The following PPIP5K1 variants were observed in gnomAD, a reference collection of about 807,000 sequenced individuals.
PPIP5K1 encodes inositol hexakisphosphate and diphosphoinositol-pentakisphosphate kinase 1.
PPIP5K1 carries 6 observed loss-of-function variants against 27.7 expected under a neutral mutation model. The ratio of observed to expected loss-of-function variants is 0.22; its 90% CI spans 0.12 to 0.43. PPIP5K1 has a LOEUF of 0.43. Among genes scored for constraint, PPIP5K1 ranks in the 20% least tolerant of loss-of-function variants. The probability of loss-of-function intolerance (pLI) is 1.00; values close to 1 mark genes in which losing one functional copy is unlikely to be tolerated. For missense variants in PPIP5K1, 394 were observed against 635.4 expected, an observed-to-expected ratio of 0.62 and a Z score of 4.08; for synonymous variants, 145 against 242.6, an observed-to-expected ratio of 0.60 and a Z score of 3.74.
In PPIP5K1 at chr15:43,542,340, A is replaced by G. The variant is rs148340277; in HGVS notation, c.3557-2757T>C. Among the ~76,000 whole-genome samples, 1,094 of 150,006 alleles carry G rather than the reference A, an allele frequency of 7.3e-3. 3 individuals carry two copies. The highest frequency in any genetic ancestry group is 0.011 in the Non-Finnish European group (729 of 67,866). On this transcript the variant is annotated intron_variant, in intron 30 of 31. Transcript: ENST00000420765. Reference sequence around the variant, plus strand: ...AGAGTCTTGCTCTGTCACCCATGCTAGAGTGCTGTGGTACGATCACAGCTC... The same window carrying G: ...AGAGTCTTGCTCTGTCACCCATGCTGGAGTGCTGTGGTACGATCACAGCTC...
At chr15:43,538,614 C>G (rs896180259) in intron 31 of PPIP5K1, among the ~76,000 whole-genome samples, 3 of 152,020 alleles carry the variant, frequency 2.0e-5, no homozygotes, top group African/African-American at 4.8e-5. Flanking sequence ...GCAAGCTCTG[C>G]CATTCTCCTG....
intron 30 of PPIP5K1, among the ~76,000 whole-genome samples, chr15:43,550,328 T>A (rs1270631893): frequency 6.6e-6 from 1 of 151,880 alleles, no homozygotes; most frequent in Non-Finnish European, 1.5e-5. Context: ...ATTTTTTTTG[T>A]AGAGAGAGTG....
At position 43,535,355 on chromosome 15, in the gene PPIP5K1, T is replaced by G; in HGVS notation, c.3792A>C (p.Glu1264Asp). 3 of 1,614,220 alleles carry G rather than the reference T, an allele frequency of 1.9e-6. 1 individual carries two copies. Among genetic ancestry groups the G allele is most frequent in the African/African-American group, 1.3e-5 (1 of 75,064 alleles). ...CCTGGAGCAGCCCAAGGCCTTGATGTTCTTCAGCCACGTGTGAATTTAGGG... is the reference window on the plus strand; with the variant it reads ...CCTGGAGCAGCCCAAGGCCTTGATGGTCTTCAGCCACGTGTGAATTTAGGG... Reference protein sequence around the residue: ...QPSLNSHVAEEHQGLGLLQET... With the variant: ...QPSLNSHVAEDHQGLGLLQET... Residue 1264 changes from glutamate (E) to aspartate (D), a missense_variant, in exon 32 of 32, where the codon GAA (glutamate) becomes GAC (aspartate). By Grantham distance (45) the Glu-to-Asp change is conservative. This residue lies in a region of PPIP5K1 where 379 missense variants were observed against 423.9 expected (regional missense o/e 0.89). Transcript: ENST00000420765.
chr15:43,580,628 CTT>C lies in PPIP5K1; in HGVS notation c.1061+372_1061+373del, dbSNP rs1411750052. Among the ~76,000 whole-genome samples, 4 of 113,828 alleles carry C rather than the reference CTT, an allele frequency of 3.5e-5. 1 individual carries two copies. Among genetic ancestry groups the C allele is most frequent in the Non-Finnish European group, 6.6e-5 (4 of 60,424 alleles). 74.7% of individuals were successfully genotyped at this position (113,828 alleles called of 152,430 possible). ...TTATTTATTGGGACGCAGTTTTGCT[CTT>C]GTCACCCAGGCTGGAGTGCAATGGC... is the stretch of plus-strand genomic sequence containing the variant. On this transcript the variant is annotated intron_variant, in intron 10 of 31. Transcript: ENST00000420765.
intron 30 of PPIP5K1, among the ~76,000 whole-genome samples, chr15:43,552,875 G>A (rs993048005): frequency 6.6e-6 from 1 of 151,686 alleles, no homozygotes; most frequent in Non-Finnish European, 1.5e-5. Context: ...AAACCTCGTC[G>A]CTACTAAAAA....
chr15:43,535,566 C>T (rs1487378150), intron 31 of PPIP5K1, 90 bp from the exon 32 acceptor site: 4 of 1,082,570 alleles, frequency 3.7e-6, no homozygotes, highest in Non-Finnish European at 4.0e-6. Context: ...AATTGTTGGC[C>T]TATGCTACTT....
chr15:43,554,229 T>C (rs1224075584), intron 30 of PPIP5K1, among the ~76,000 whole-genome samples: 1 of 152,222 alleles, frequency 6.6e-6, no homozygotes, highest in Non-Finnish European at 1.5e-5. Flanking sequence ...TGTCATGTAT[T>C]TTGGGGCTCC....
rs114919870 is a variant in PPIP5K1, at chr15:43,555,159, T to A, written c.3556+3636A>T. ...GGCGTTAAAAGTATAAACTATAAAT[T>A]AATAAATTAAAAACACAAAACACTA... On this transcript the variant is annotated intron_variant, in intron 30 of 31. Transcript: ENST00000420765. Among the ~76,000 whole-genome samples the A allele has an allele frequency of 9.9e-3, 1,509 of 152,202 alleles. 25 individuals carry two copies. Among genetic ancestry groups the A allele is most frequent in the African/African-American group, 0.034 (1,432 of 41,536 alleles).
chr15:43,534,501 A>T lies in PPIP5K1; in HGVS notation c.*173T>A. 1.7e-6 allele frequency: 1 copy of T among 595,142 alleles called. No homozygotes were observed. The highest frequency in any genetic ancestry group is 2.8e-6 in the Non-Finnish European group (1 of 354,910). 36.9% of individuals were successfully genotyped at this position (595,142 alleles called of 1,614,324 possible). On this transcript the variant is annotated 3_prime_UTR_variant, in exon 32 of 32. Coordinates refer to ENST00000420765, the MANE Select transcript of PPIP5K1 (RefSeq NM_001394395.1). ...AAGGTTGCTGGCTCAAATGGCTGGT[A>T]TAGTGTGATACCACTAATGAGAAAA...
In PPIP5K1 at chr15:43,533,896, A is replaced by C. The variant is rs993885851; in HGVS notation, c.*778T>G. The C allele has an allele frequency of 6.6e-6, 1 of 152,158 alleles. No homozygotes were observed. Among genetic ancestry groups the C allele is most frequent in the Non-Finnish European group, 1.5e-5 (1 of 68,034 alleles). The allele number at this position is 152,158 out of a possible 1,614,324, so 9.4% of individuals were successfully genotyped here. A position where few individuals can be genotyped will look rare whatever the true frequency, so the allele number is the denominator to read the frequency against. On this transcript the variant is annotated 3_prime_UTR_variant, in exon 32 of 32. Transcript: ENST00000420765. The stretch of plus-strand genomic sequence containing the variant: ...TTTAAGTAGTTGCTCTGAATTTTGC[A>C]CAGCAGTCTAATACCTACTTTTCCC...
chr15:43,555,485 C>T (rs1036405988), intron 30 of PPIP5K1, among the ~76,000 whole-genome samples: 4 of 151,750 alleles, frequency 2.6e-5, no homozygotes, highest in African/African-American at 4.8e-5. Flanking sequence ...GGGGTTTTGC[C>T]ATGTTGCCCA....
chr15:43,536,797 T>G (rs938940419), intron 31 of PPIP5K1, among the ~76,000 whole-genome samples: 1 of 152,208 alleles, frequency 6.6e-6, no homozygotes, highest in African/African-American at 2.4e-5. Context: ...TACTCCATCC[T>G]CTACTGCTTC....
chr15:43,537,631 G>A (rs1212566241), intron 31 of PPIP5K1, among the ~76,000 whole-genome samples: 1 of 143,832 alleles, frequency 7.0e-6, no homozygotes, highest in Non-Finnish European at 1.5e-5. Context: ...GGAGGTTGCA[G>A]TGAGCCGAGA....
rs373473780 is a variant in PPIP5K1 at position 43,558,863 on chromosome 15, C to A, written c.3488G>T (p.Arg1163Leu). ...LETLHNALSL[R>L]QVSEFLSRVC... is the part of the protein sequence containing the mutation. ...TCTACTCAAGAATTCACTCACTTGA[C>A]GTAGGGAAAGGGCATTATGCAGTGT... Residue 1163 changes from arginine (R) to leucine (L), a missense_variant, in exon 30 of 32, where the codon CGT (arginine) becomes CTT (leucine). By Grantham distance (102) the Arg-to-Leu change is moderately radical. Around this residue, in one of 4 missense-constraint regions of PPIP5K1, gnomAD observed 379 missense variants for 423.9 expected, o/e 0.89. Coordinates refer to ENST00000420765, the MANE Select transcript of PPIP5K1 (RefSeq NM_001394395.1). The A allele has an allele frequency of 6.2e-7, 1 of 1,614,088 alleles. No homozygotes were observed. Among genetic ancestry groups the A allele is most frequent in the Non-Finnish European group, 8.5e-7 (1 of 1,180,026 alleles).
chr15:43,543,248 T>C (rs1400021415), intron 30 of PPIP5K1, among the ~76,000 whole-genome samples: 1 of 119,098 alleles, frequency 8.4e-6, no homozygotes, highest in Non-Finnish European at 1.6e-5. Flanking sequence ...GAAAAAAAAT[T>C]CTAAACAAAC....
chr15:43,537,344 C>CAAAAAAA (rs375557879), intron 31 of PPIP5K1: 16 of 83,532 alleles, frequency 1.9e-4, no homozygotes, highest in East Asian at 6.0e-4. Context: ...GACTCCACCT[C>CAAAAAAA]AAAAAAAAAA....
intron 30 of PPIP5K1, among the ~76,000 whole-genome samples, chr15:43,545,512 G>T: frequency 6.8e-6 from 1 of 146,230 alleles, no homozygotes; most frequent in East Asian, 2.0e-4. Context: ...GGGTTGTTCA[G>T]GTAGTAGTAG....
chr15:43,560,031 T>C (rs1442198438), intron 29 of PPIP5K1, among the ~76,000 whole-genome samples: 1 of 151,714 alleles, frequency 6.6e-6, no homozygotes, highest in African/African-American at 2.4e-5. Context: ...CATGATCTAG[T>C]GGCAGGAGGG....
chr15:43,553,464 C>T (rs903809646), intron 30 of PPIP5K1, among the ~76,000 whole-genome samples: 1 of 151,982 alleles, frequency 6.6e-6, no homozygotes, highest in African/African-American at 2.4e-5. Flanking sequence ...CACCTTAGCC[C>T]CTCGGATAGC....
Sources: allele counts gnomAD v4.1 joint callset (sites outside exome capture counted in the v4.1 genomes callset), GRCh38; gene constraint gnomAD v4.1.1; regional missense constraint gnomAD v4.1.1; transcripts MANE v1.5; gene names NCBI Gene and HGNC (gene_info 2026-07-23, HGNC 2026-07-21).